CMTM4: variants seen among roughly 807,000 people sequenced by gnomAD.
The protein encoded by CMTM4 is CKLF-like MARVEL transmembrane domain-containing protein 4.
In CMTM4, 8 loss-of-function variants were observed where a neutral mutation model predicts 19.0. The ratio of observed to expected loss-of-function variants is 0.42; its 90% CI spans 0.25 to 0.76. CMTM4 has a LOEUF of 0.76. Among genes scored for constraint, CMTM4 ranks in the 30% least tolerant of loss-of-function variants. The pLI, the probability that CMTM4 is intolerant of heterozygous loss-of-function variation, is 0.27. For missense variants in CMTM4, 228 were observed against 290.2 expected (o/e 0.79, Z 1.56); for synonymous variants, 106 against 121.1 (o/e 0.88, Z 0.82).
intron 1 of CMTM4, among the ~76,000 whole-genome samples, chr16:66,647,636 A>C (rs941981993): frequency 1.3e-5 from 2 of 152,180 alleles, no homozygotes; most frequent in Admixed American, 1.3e-4. Context: ...AGTGCTACTC[A>C]GAGAAGTTCA....
In CMTM4 at chr16:66,618,134, T is replaced by G. The variant is rs2015559610; in HGVS notation, c.*3924A>C. On this transcript the variant is annotated 3_prime_UTR_variant, in exon 4 of 4. Coordinates refer to ENST00000394106, the MANE Select transcript of CMTM4 (RefSeq NM_181521.3). The stretch of plus-strand genomic sequence containing the variant: ...AAAACCCTGGATTCTGCAACTTCAC[T>G]AGGAAATAACAAGGCACCTAGAGAC... 5.1e-6 allele frequency: 5 copies of G among 985,306 alleles called. No individual in the cohort carries two copies. In the South Asian group the frequency reaches 1.9e-4, roughly 37 times the overall value. 61.0% of individuals were successfully genotyped at this position (985,306 alleles called of 1,614,324 possible). A position where few individuals can be genotyped will look rare whatever the true frequency, so the allele number is the denominator to read the frequency against.
chr16:66,676,597 A>G (rs1357296828), intron 1 of CMTM4, among the ~76,000 whole-genome samples: 2 of 152,134 alleles, frequency 1.3e-5, no homozygotes, highest in Non-Finnish European at 2.9e-5. Flanking sequence ...TAGAGTCTAA[A>G]ACTCTTGAGT....
chr16:66,662,673 T>C (rs1395745895), intron 1 of CMTM4, among the ~76,000 whole-genome samples: 1 of 151,946 alleles, frequency 6.6e-6, no homozygotes, highest in Non-Finnish European at 1.5e-5. Flanking sequence ...CCTTCCCCTG[T>C]CCTCCCACCA....
chr16:66,609,391 G>A, the CMTM4 span: 2 of 1,559,924 alleles, frequency 1.3e-6, no homozygotes, highest in East Asian at 2.2e-5. The surrounding 1 kb of genome is among the most constrained non-coding windows in gnomAD (Gnocchi z 4.4). Flanking sequence ...CCCATGCTGT[G>A]CTCAGCTCCA....
chr16:66,643,933 TA>T (rs1437820725), intron 1 of CMTM4, among the ~76,000 whole-genome samples: 1 of 152,136 alleles, frequency 6.6e-6, no homozygotes, highest in Non-Finnish European at 1.5e-5. Context: ...TTTGTATTTT[TA>T]GTAGAGACGG....
chr16:66,617,199 C>A lies in CMTM4; in HGVS notation c.*4859G>T. On this transcript the variant is annotated 3_prime_UTR_variant, in exon 4 of 4. Transcript: ENST00000394106. Reference sequence around the variant, plus strand: ...CAAGTCACCTGAATTAAAGCCTCAGCATAAAAAAACAAACATAGACAACAA... The same window carrying A: ...CAAGTCACCTGAATTAAAGCCTCAGAATAAAAAAACAAACATAGACAACAA... 7.0e-7 allele frequency: 1 copy of A among 1,423,230 alleles called. No homozygotes were observed. The highest frequency in any genetic ancestry group is 1.2e-5 in the South Asian group (1 of 80,094). 88.2% of individuals were successfully genotyped at this position (1,423,230 alleles called of 1,614,324 possible).
the CMTM4 span, among the ~76,000 whole-genome samples, chr16:66,598,503 A>G: frequency 1.3e-5 from 2 of 152,330 alleles, no homozygotes; most frequent in South Asian, 4.1e-4. Flanking sequence ...GTTTTGACAA[A>G]TGTAGGTCCC....
chr16:66,634,222 C>G lies in CMTM4; in HGVS notation c.363+2183G>C, dbSNP rs564021175. 1.2e-4 allele frequency among the ~76,000 whole-genome samples: 19 copies of G among 152,184 alleles called. 1 individual carries two copies. The highest frequency in any genetic ancestry group is 3.4e-3 in the Middle Eastern group (1 of 294). The stretch of plus-strand genomic sequence containing the variant: ...TGGGAGGCTGAGGTGGGTGGATCAC[C>G]TGAGGTCAGGTGTTTGAAACCAGCC... On this transcript the variant is annotated intron_variant, in intron 2 of 3. Coordinates refer to ENST00000394106, the MANE Select transcript of CMTM4 (RefSeq NM_181521.3).
the CMTM4 span, chr16:66,609,593 G>A: frequency 7.2e-6 from 11 of 1,530,818 alleles, no homozygotes; most frequent in Non-Finnish European, 8.9e-6. This position sits in a 1 kb window ranked among gnomAD's most constrained non-coding sequence, Gnocchi z 4.4. Flanking sequence ...ATTTAGGGTG[G>A]GACCTGGGGC....
At chr16:66,638,777 T>C (rs935958689) in intron 1 of CMTM4, among the ~76,000 whole-genome samples, 4 of 152,076 alleles carry the variant, frequency 2.6e-5, no homozygotes, top group African/African-American at 9.7e-5. Flanking sequence ...GAGAATCACT[T>C]GAAACCCGGG....
At chr16:66,638,937 G>T (rs1218528112) in intron 1 of CMTM4, among the ~76,000 whole-genome samples, 1 of 151,344 alleles carries the variant, frequency 6.6e-6, no homozygotes. Context: ...AAAAACAAAG[G>T]TAAGTATGTG....
At chr16:66,631,619 CTA>C (rs1388063787) in intron 2 of CMTM4, among the ~76,000 whole-genome samples, 2 of 152,176 alleles carry the variant, frequency 1.3e-5, no homozygotes, top group Non-Finnish European at 1.5e-5. Context: ...TCCTGTTGAT[CTA>C]TGACCTTACC....
chr16:66,685,671 T>C (rs2017017361), intron 1 of CMTM4, among the ~76,000 whole-genome samples: 3 of 152,078 alleles, frequency 2.0e-5, no homozygotes, highest in African/African-American at 4.8e-5. Flanking sequence ...TGAGGTAGGG[T>C]CTCACTCTAT....
chr16:66,662,856 A>G (rs2016522904), intron 1 of CMTM4, among the ~76,000 whole-genome samples: 1 of 152,182 alleles, frequency 6.6e-6, no homozygotes, highest in African/African-American at 2.4e-5. Flanking sequence ...CTGTTTATAA[A>G]TCAAAACACC....
chr16:66,640,260 A>G (rs1363136211), intron 1 of CMTM4, among the ~76,000 whole-genome samples: 1 of 152,120 alleles, frequency 6.6e-6, no homozygotes, highest in African/African-American at 2.4e-5. Flanking sequence ...AGATCGCGCC[A>G]CTACACTGCA....
chr16:66,606,203 C>CCTCACT, the CMTM4 span, among the ~76,000 whole-genome samples: 1 of 152,050 alleles, frequency 6.6e-6, no homozygotes, highest in African/African-American at 2.4e-5. Flanking sequence ...TCCCTAGTCC[C>CCTCACT]CTCACTCCCA....
At chr16:66,680,626 T>C (rs950505726) in intron 1 of CMTM4, among the ~76,000 whole-genome samples, 1 of 151,076 alleles carries the variant, frequency 6.6e-6, no homozygotes, top group African/African-American at 2.4e-5. Flanking sequence ...TACAAAATAT[T>C]AGCCAGGCGT....
At chr16:66,644,530 C>A (rs889247963) in intron 1 of CMTM4, among the ~76,000 whole-genome samples, 2 of 152,172 alleles carry the variant, frequency 1.3e-5, no homozygotes, top group Admixed American at 6.5e-5. Context: ...CCCCCTTTGT[C>A]ATTTAGTGTG....
At chr16:66,676,970 C>T (rs2016819931) in intron 1 of CMTM4, among the ~76,000 whole-genome samples, 1 of 152,178 alleles carries the variant, frequency 6.6e-6, no homozygotes, top group South Asian at 2.1e-4. Flanking sequence ...CCAGTGACAG[C>T]CAGGTGTGGT....
Sources: allele counts gnomAD v4.1 joint callset (sites outside exome capture counted in the v4.1 genomes callset), GRCh38; gene constraint gnomAD v4.1.1; non-coding constraint Gnocchi (gnomAD v3.1); transcripts MANE v1.5; gene names NCBI Gene and HGNC (gene_info 2026-07-23, HGNC 2026-07-21).